The following USP34 variants were observed in gnomAD, a reference collection of about 807,000 sequenced individuals.
USP34 encodes the protein ubiquitin specific peptidase 34.
Under a neutral mutation model 460.3 loss-of-function variants are expected in USP34, and 70 were observed. The observed-to-expected ratio is 0.15, with a 90% CI of 0.13 to 0.19. The LOEUF (loss-of-function observed/expected upper bound fraction) is 0.19. USP34 is among the 10% of genes least tolerant of loss of function. The pLI is 1.00. For synonymous variants in USP34, 1,647 were observed against 1,405.3 expected, an observed-to-expected ratio of 1.17 and a Z score of -3.85; for missense variants, 3,985 against 4,236.2, an observed-to-expected ratio of 0.94 and a Z score of 1.65.
chr2:61,209,930 G>A (rs575277461), intron 69 of USP34, among the ~76,000 whole-genome samples: 10 of 151,642 alleles, frequency 6.6e-5, no homozygotes, highest in South Asian at 2.1e-4. Flanking sequence ...AGTTTTTAAC[G>A]AAAACATTTA....
At chr2:61,396,054 CAAAA>C (rs771466849) in intron 3 of USP34, among the ~76,000 whole-genome samples, 9 of 69,862 alleles carry the variant, frequency 1.3e-4, no homozygotes, top group African/African-American at 4.9e-4. Flanking sequence ...AAAACTGTCT[CAAAA>C]AAAAAAAAAA....
rs749132984 is a variant in USP34, at chr2:61,301,132, C to G, written c.3947G>C (p.Arg1316Thr). The change falls in exon 29 of 80, where the codon AGG becomes ACG. Residue 1316 changes from arginine to threonine, a missense_variant. Coordinates refer to ENST00000398571, the MANE Select transcript of USP34 (RefSeq NM_014709.4). ...AACACCTTCCCCTTTCCGCTCTCTCCTTGGTGCACCCAAAGATACAAATAC... is the reference window on the plus strand; with the variant it reads ...AACACCTTCCCCTTTCCGCTCTCTCGTTGGTGCACCCAAAGATACAAATAC... ...QMVFVSLGAP[R>T]RERKGEGVQL... 1 of 1,611,466 alleles carries G rather than the reference C, an allele frequency of 6.2e-7. No homozygotes were observed. The highest frequency in any genetic ancestry group is 1.7e-5 in the Admixed American group (1 of 59,226).
chr2:61,406,162 T>C (rs758282456), intron 2 of USP34, 34 bp from the exon 3 acceptor site: 15 of 1,445,446 alleles, frequency 1.0e-5, no homozygotes, highest in South Asian at 3.0e-5. Flanking sequence ...AAATTAGTAA[T>C]AAAGCAGCAG....
At chr2:61,196,069 ATTTTTTTTT>A (rs71403398) in intron 75 of USP34, among the ~76,000 whole-genome samples, 19 of 41,576 alleles carry the variant, frequency 4.6e-4, no homozygotes, top group East Asian at 9.3e-4. Flanking sequence ...ACCATGCACG[ATTTTTTTTT>A]TTTTTTTTTT....
intron 44 of USP34, 138 bp from the exon 45 acceptor site, chr2:61,257,488 TTC>T (rs1688750583): frequency 6.7e-6 from 4 of 600,260 alleles, no homozygotes; most frequent in African/African-American, 5.7e-5. Context: ...TTCTATTTCT[TTC>T]TGTTTAGTTT....
At chr2:61,206,203 A>G in intron 71 of USP34, 79 bp from the exon 72 acceptor site, 1 of 1,153,752 alleles carries the variant, frequency 8.7e-7, no homozygotes. Context: ...TAAACTACAG[A>G]ATGCTAATGC....
intron 38 of USP34, 140 bp downstream of exon 38, chr2:61,280,950 G>T: frequency 1.2e-6 from 1 of 863,108 alleles, no homozygotes; most frequent in Non-Finnish European, 1.8e-6. Flanking sequence ...ACCTTAAGTA[G>T]TATATAACTA....
chr2:61,382,200 T>A (rs73936133), intron 6 of USP34, among the ~76,000 whole-genome samples: 3,651 of 152,234 alleles, frequency 0.024, 157 homozygotes, highest in African/African-American at 0.084. Flanking sequence ...AATAAAACTT[T>A]TAAAAAATCA....
At chr2:61,290,145 G>A (rs911015431) in intron 33 of USP34, among the ~76,000 whole-genome samples, 2 of 152,130 alleles carry the variant, frequency 1.3e-5, no homozygotes, top group African/African-American at 2.4e-5. Flanking sequence ...TGAAGCCACC[G>A]TGAGCTAACA....
At chr2:61,217,211 G>T (rs1169848853) in intron 67 of USP34, among the ~76,000 whole-genome samples, 1 of 152,156 alleles carries the variant, frequency 6.6e-6, no homozygotes, top group East Asian at 1.9e-4. Flanking sequence ...TAATTTGGAA[G>T]AACAGGCCAT....
At chr2:61,442,908 C>G (rs1209449373) in intron 1 of USP34, among the ~76,000 whole-genome samples, 1 of 149,834 alleles carries the variant, frequency 6.7e-6, no homozygotes, top group Non-Finnish European at 1.5e-5. Context: ...TACACACACA[C>G]ACACACACAC....
At chr2:61,298,089 C>G (rs558847046) in intron 29 of USP34, among the ~76,000 whole-genome samples, 1 of 152,034 alleles carries the variant, frequency 6.6e-6, no homozygotes, top group Non-Finnish European at 1.5e-5. Flanking sequence ...TAAGTATGTT[C>G]TGCAATGACT....
chr2:61,194,583 T>C (rs531716035), intron 75 of USP34, among the ~76,000 whole-genome samples: 8 of 152,330 alleles, frequency 5.3e-5, no homozygotes, highest in African/African-American at 1.9e-4. Flanking sequence ...GGGGCAGCCT[T>C]GAACCGCTGT....
intron 10 of USP34, among the ~76,000 whole-genome samples, chr2:61,363,675 T>G (rs558271761): frequency 2.0e-5 from 3 of 152,324 alleles, no homozygotes; most frequent in Admixed American, 2.0e-4. Flanking sequence ...GGTGTGTTGT[T>G]GACTGAAACA....
rs1008645391 is a variant in USP34, at chr2:61,225,966, T to G, written c.7595+1101A>C. ...ACACTTGAGGGCCATTTTATTTACT[T>G]ATTTTTACAGATGGATCTTGCTATA... On this transcript the variant is annotated intron_variant, in intron 62 of 79. Coordinates refer to ENST00000398571, the MANE Select transcript of USP34 (RefSeq NM_014709.4). 2.5e-4 allele frequency among the ~76,000 whole-genome samples: 38 copies of G among 152,182 alleles called. 2 individuals carry two copies. The highest frequency in any genetic ancestry group is 2.5e-3 in the Admixed American group (38 of 15,280).
intron 69 of USP34, among the ~76,000 whole-genome samples, chr2:61,211,082 T>C (rs1311167948): frequency 3.9e-5 from 6 of 152,168 alleles, no homozygotes; most frequent in African/African-American, 7.2e-5. Flanking sequence ...AGACTCACAT[T>C]TGAAAGCTTT....
intron 15 of USP34, chr2:61,346,154 T>G (rs1037711916): frequency 7.2e-5 from 11 of 151,978 alleles, no homozygotes; most frequent in African/African-American, 2.7e-4. Flanking sequence ...TTACAAGATG[T>G]TGAAAATCTA....
intron 5 of USP34, among the ~76,000 whole-genome samples, chr2:61,392,664 G>A (rs1027486402): frequency 3.3e-5 from 5 of 152,012 alleles, no homozygotes; most frequent in Admixed American, 6.6e-5. Flanking sequence ...CCCTGTAAAC[G>A]ATAACTTTTA....
chr2:61,259,495 C>G (rs1395767520), intron 44 of USP34, among the ~76,000 whole-genome samples: 2 of 151,772 alleles, frequency 1.3e-5, no homozygotes, highest in Non-Finnish European at 2.9e-5. Context: ...TCAAGCGAGC[C>G]TCCCTTTTCA....
Sources: gnomAD v4.1 joint callset for allele counts (sites outside exome capture counted in the v4.1 genomes callset) on GRCh38, gnomAD v4.1.1 for gene constraint, MANE v1.5 for transcripts, NCBI Gene and HGNC (gene_info 2026-07-23, HGNC 2026-07-21) for gene names.